CARM1: variants seen among roughly 807,000 people sequenced by gnomAD.
CARM1 encodes coactivator associated arginine methyltransferase 1.
Under a neutral mutation model 72.7 loss-of-function variants are expected in CARM1, and 14 were observed. The ratio of observed to expected loss-of-function variants is 0.19; its 90% CI spans 0.13 to 0.30. CARM1 has a LOEUF of 0.30. Ranked by LOEUF, CARM1 falls within the 10% of genes least tolerant of loss-of-function variation. The probability of loss-of-function intolerance (pLI) is 1.00; values close to 1 mark genes in which losing one functional copy is unlikely to be tolerated. For missense variants in CARM1, 432 were observed against 833.7 expected, an observed-to-expected ratio of 0.52 and a Z score of 5.93; for synonymous variants, 333 against 345.5, an observed-to-expected ratio of 0.96 and a Z score of 0.40.
At chr19:10,921,562 C>G (rs2074250507) in intron 15 of CARM1, 53 bp from the exon 16 acceptor site, 2 of 1,579,356 alleles carry the variant, frequency 1.3e-6, no homozygotes, top group Admixed American at 1.8e-5. Context: ...GTGACTCTGC[C>G]TGGGGGCTGG....
At position 10,912,231 on chromosome 19, in the gene CARM1, C is replaced by T. The variant is rs887164891; in HGVS notation, c.606C>T (p.Ala202=). Residue 202 remains alanine, a synonymous_variant, in exon 5 of 16, where the codon GCC becomes GCT. Coordinates refer to ENST00000327064, the MANE Select transcript of CARM1 (RefSeq NM_199141.2). The surrounding 1 kb of genome is among the most constrained non-coding windows in gnomAD (Gnocchi z 4.5). ...GCTCTGGGATCCTGTCGTTTTTTGC[C>T]GCCCAAGCTGGAGCACGGAAAATCT... ...GCGSGILSFF[A]AQAGARKIYA... 4.3e-6 allele frequency: 7 copies of T among 1,614,068 alleles called. No homozygotes were observed. The highest frequency in any genetic ancestry group is 3.3e-5 in the South Asian group (3 of 91,086).
chr19:10,895,640 A>G (rs1027255261), intron 1 of CARM1, among the ~76,000 whole-genome samples: 22 of 152,290 alleles, frequency 1.4e-4, no homozygotes, highest in African/African-American at 4.3e-4. Context: ...TCCAACTTGG[A>G]CACCTAGACC....
chr19:10,911,436 C>A (rs974485967), intron 4 of CARM1, among the ~76,000 whole-genome samples: 18 of 152,194 alleles, frequency 1.2e-4, no homozygotes, highest in African/African-American at 4.3e-4. Context: ...GAAGGACGTC[C>A]TCCGTTGGTG....
intron 1 of CARM1, among the ~76,000 whole-genome samples, chr19:10,876,968 C>T (rs1370703190): frequency 6.6e-6 from 1 of 152,240 alleles, no homozygotes; most frequent in Non-Finnish European, 1.5e-5. Context: ...TACACAGCAG[C>T]ATGGGCTCCG....
intron 1 of CARM1, among the ~76,000 whole-genome samples, chr19:10,889,857 A>G (rs1048731308): frequency 2.6e-5 from 4 of 152,194 alleles, no homozygotes; most frequent in Non-Finnish European, 2.9e-5. Flanking sequence ...ATTTTAAGGA[A>G]ACCTTGCCCA....
chr19:10,885,879 C>T (rs1051427094), intron 1 of CARM1, among the ~76,000 whole-genome samples: 1 of 149,638 alleles, frequency 6.7e-6, no homozygotes, highest in Non-Finnish European at 1.5e-5. Flanking sequence ...AGCCACAGCT[C>T]ACTCCCTCAT....
rs982419577 is a variant in CARM1, at chr19:10,912,851, G to A, written c.669+557G>A. 6.6e-6 allele frequency among the ~76,000 whole-genome samples: 1 copy of A among 152,146 alleles called. No individual in the cohort carries two copies. Among genetic ancestry groups the A allele is most frequent in the Non-Finnish European group, 1.5e-5 (1 of 68,040 alleles). On this transcript the variant is annotated intron_variant, in intron 5 of 15. Coordinates refer to ENST00000327064, the MANE Select transcript of CARM1 (RefSeq NM_199141.2). This position sits in a 1 kb window ranked among gnomAD's most constrained non-coding sequence, Gnocchi z 4.5. Reference sequence around the variant, plus strand: ...GCTTTAGCTGCATTGTGTCCGCAGCGACACTCAGACTCCTTCCAGGTCTTC... The same window carrying A: ...GCTTTAGCTGCATTGTGTCCGCAGCAACACTCAGACTCCTTCCAGGTCTTC...
At chr19:10,892,872 A>G (rs2073997530) in intron 1 of CARM1, among the ~76,000 whole-genome samples, 1 of 151,984 alleles carries the variant, frequency 6.6e-6, no homozygotes, top group Non-Finnish European at 1.5e-5. Context: ...AGCTGGGATT[A>G]CAGGTGCCCG....
chr19:10,921,415 C>T lies in CARM1; in HGVS notation c.1656C>T (p.Gly552=). 1 of 1,610,460 alleles carries T rather than the reference C, an allele frequency of 6.2e-7. No individual in the cohort carries two copies. Among genetic ancestry groups the T allele is most frequent in the South Asian group, 1.1e-5 (1 of 90,692 alleles). The change falls in exon 15 of 16, where the codon GGC becomes GGT. Residue 552 remains glycine, a synonymous_variant. Coordinates refer to ENST00000327064, the MANE Select transcript of CARM1 (RefSeq NM_199141.2). ...GIVNHTHSRM[G]SIMSTGIVQG... Reference sequence around the variant, plus strand: ...TCAATCACACCCACTCCCGGATGGGCTCCATAATGAGCACGGGGATTGTCC... The same window carrying T: ...TCAATCACACCCACTCCCGGATGGGTTCCATAATGAGCACGGGGATTGTCC...
At chr19:10,882,942 A>T (rs1007237644) in intron 1 of CARM1, among the ~76,000 whole-genome samples, 2 of 151,890 alleles carry the variant, frequency 1.3e-5, no homozygotes, top group Non-Finnish European at 2.9e-5. Flanking sequence ...AGCTAAGGAG[A>T]GGTAGGGGAG....
intron 1 of CARM1, among the ~76,000 whole-genome samples, chr19:10,883,560 G>A (rs1018962175): frequency 6.6e-6 from 1 of 152,028 alleles, no homozygotes; most frequent in Non-Finnish European, 1.5e-5. Context: ...CCACTTCTTT[G>A]TTTGGCTTAA....
intron 1 of CARM1, among the ~76,000 whole-genome samples, chr19:10,890,746 C>G (rs989721004): frequency 4.4e-5 from 6 of 137,656 alleles, no homozygotes; most frequent in African/African-American, 1.6e-4. Flanking sequence ...TATACACATG[C>G]ATATACACAC....
In CARM1 at chr19:10,872,610, C is replaced by T. The variant is rs148956731; in HGVS notation, c.220+688C>T. Among the ~76,000 whole-genome samples the T allele has an allele frequency of 5.8e-4, 88 of 152,214 alleles. 1 individual carries two copies. The highest frequency in any genetic ancestry group is 1.8e-3 in the African/African-American group (73 of 41,526). On this transcript the variant is annotated intron_variant, in intron 1 of 15. Transcript: ENST00000327064. ...GCTTCGAAGTAAGAGCTAACAGCCT[C>T]CTCCCATCTTCTTTTGGGGGATGTG... is the stretch of plus-strand genomic sequence containing the variant.
chr19:10,920,891 A>G lies in CARM1; in HGVS notation c.1482A>G (p.Glu494=). ...PPGSHYTSPS[E]NMWNTGSTYN... ...GCTCCCACTACACATCTCCCTCGGA[A>G]AACATGTGGAACACGGGCAGCACCT... The change falls in exon 13 of 16, where the codon GAA becomes GAG. Residue 494 remains glutamate (E), a synonymous_variant. Transcript: ENST00000327064. The surrounding 1 kb of genome is among the most constrained non-coding windows in gnomAD (Gnocchi z 5.3). 1 of 1,614,246 alleles carries G rather than the reference A, an allele frequency of 6.2e-7. No individual in the cohort carries two copies. The highest frequency in any genetic ancestry group is 8.5e-7 in the Non-Finnish European group (1 of 1,180,028).
In CARM1 at chr19:10,921,916, GC is replaced by G; in HGVS notation, c.*161del. ...GGACACTTTTTTACACGATGTTGCC[GC>G]CGTCCCCACCCTAACCCCCACCTCC... On this transcript the variant is annotated 3_prime_UTR_variant, in exon 16 of 16. Transcript: ENST00000327064. The G allele has an allele frequency of 1.5e-6, 1 of 686,476 alleles. No homozygotes were observed. The highest frequency in any genetic ancestry group is 2.4e-6 in the Non-Finnish European group (1 of 423,720). 42.5% of individuals were successfully genotyped at this position (686,476 alleles called of 1,614,324 possible). A position where few individuals can be genotyped will look rare whatever the true frequency, so the allele number is the denominator to read the frequency against.
chr19:10,911,799 A>G (rs1411726581), intron 4 of CARM1, among the ~76,000 whole-genome samples: 1 of 152,208 alleles, frequency 6.6e-6, no homozygotes, highest in Non-Finnish European at 1.5e-5. Context: ...TTCTCCAGGC[A>G]TGAGTCAGCA....
In CARM1 at chr19:10,894,904, C is replaced by T. The variant is rs59882649; in HGVS notation, c.221-10047C>T. Among the ~76,000 whole-genome samples the T allele has an allele frequency of 5.9e-5, 9 of 152,064 alleles. No individual in the cohort carries two copies. The East Asian group carries it at 1.7e-3, about 29-fold the overall frequency. On this transcript the variant is annotated intron_variant, in intron 1 of 15. Coordinates refer to ENST00000327064, the MANE Select transcript of CARM1 (RefSeq NM_199141.2). ...TACAGGTGCGCATCACCATGCCCAG[C>T]TAATTTTTTTATTATTATTTGTAGA...
intron 1 of CARM1, among the ~76,000 whole-genome samples, chr19:10,874,097 A>C (rs1219119237): frequency 2.6e-5 from 4 of 152,142 alleles, no homozygotes; most frequent in African/African-American, 7.2e-5. Context: ...CTTCTCTTTG[A>C]GAGGTAATTG....
intron 6 of CARM1, 124 bp downstream of exon 6, chr19:10,914,178 C>A: frequency 2.0e-6 from 2 of 1,008,396 alleles, no homozygotes; most frequent in Non-Finnish European, 1.4e-6. Context: ...GAAGCCTGGG[C>A]TTTTCCCCCG....
Sources: gnomAD v4.1 joint callset for allele counts (sites outside exome capture counted in the v4.1 genomes callset) on GRCh38, gnomAD v4.1.1 for gene constraint, Gnocchi (gnomAD v3.1) non-coding constraint, MANE v1.5 for transcripts, NCBI Gene and HGNC (gene_info 2026-07-23, HGNC 2026-07-21) for gene names.